Variants in CLPX observed in about 807,000 individuals in gnomAD.
CLPX encodes caseinolytic mitochondrial matrix peptidase chaperone subunit X.
In CLPX, 34 loss-of-function variants were observed where a neutral mutation model predicts 76.4. The observed-to-expected ratio is 0.45, with a 90% CI of 0.34 to 0.59. The LOEUF is 0.59. Among genes scored for constraint, CLPX ranks in the 20% least tolerant of loss-of-function variants. CLPX has a pLI of 0.01. For missense variants in CLPX, 613 were observed against 757.0 expected (o/e 0.81, Z 2.23); for synonymous variants, 248 against 270.9 (o/e 0.92, Z 0.83).
intron 1 of CLPX, among the ~76,000 whole-genome samples, 172 bp from the exon 2 acceptor site, chr15:65,180,376 C>T (rs536677713): frequency 6.6e-6 from 1 of 152,180 alleles, no homozygotes; most frequent in East Asian, 1.9e-4. Context: ...CAAAAACAGG[C>T]CAGCAGGTCT....
intron 3 of CLPX, among the ~76,000 whole-genome samples, chr15:65,176,689 A>G (rs1020230251): frequency 6.7e-6 from 1 of 148,616 alleles, no homozygotes; most frequent in Admixed American, 6.8e-5. Context: ...TCCGCTTCCT[A>G]GGTTCAAGCA....
rs756324576 is a variant in CLPX, at chr15:65,185,145, G to T, written c.9C>A (p.Ser3Arg). Residue 3 changes from serine to arginine, a missense_variant, in exon 1 of 14, where the codon AGC becomes AGA. Coordinates refer to ENST00000300107, the MANE Select transcript of CLPX (RefSeq NM_006660.5). MP[S>R]CGACTCGAAA... ...CCGCGCCGCAAGTACAAGCACCGCA[G>T]CTGGGCATCTCCGCGAGGCCTAGGC... 6.4e-7 allele frequency: 1 copy of T among 1,569,798 alleles called. No individual in the cohort carries two copies. Among genetic ancestry groups the T allele is most frequent in the South Asian group, 1.2e-5 (1 of 85,348 alleles).
intron 13 of CLPX, among the ~76,000 whole-genome samples, chr15:65,151,143 G>A (rs532518207): frequency 4.6e-5 from 7 of 151,918 alleles, no homozygotes; most frequent in Admixed American, 6.6e-5. Flanking sequence ...TCAGGAGTTC[G>A]AGACCTGCCT....
chr15:65,156,319 G>A (rs1312781109), intron 9 of CLPX, among the ~76,000 whole-genome samples: 1 of 152,172 alleles, frequency 6.6e-6, no homozygotes, highest in African/African-American at 2.4e-5. Flanking sequence ...GCACGTAAGT[G>A]TGATTATACC....
chr15:65,153,313 G>A (rs571838764), intron 12 of CLPX, among the ~76,000 whole-genome samples: 3 of 152,166 alleles, frequency 2.0e-5, no homozygotes, highest in Non-Finnish European at 4.4e-5. Flanking sequence ...AGCCAGGTGT[G>A]GTGGTTCTTG....
chr15:65,162,506 A>G, intron 6 of CLPX, 98 bp downstream of exon 6: 1 of 749,522 alleles, frequency 1.3e-6, no homozygotes, highest in South Asian at 1.7e-5. Context: ...ATACACAAGC[A>G]AATACATACA....
rs768821196 is a variant in CLPX, at chr15:65,152,565, T to C, written c.1705-29A>G. ...AAGAAATAAAAAGTAATGAATCACATTGAAAACAGATTACATACAAGTGCT... is the reference window on the plus strand; with the variant it reads ...AAGAAATAAAAAGTAATGAATCACACTGAAAACAGATTACATACAAGTGCT... On this transcript the variant is annotated intron_variant, in intron 12 of 13. Coordinates refer to ENST00000300107, the MANE Select transcript of CLPX (RefSeq NM_006660.5). The C allele has an allele frequency of 8.0e-6, 10 of 1,255,968 alleles. No homozygotes were observed. In the South Asian group the frequency reaches 8.2e-5, roughly 10 times the overall value. The allele number at this position is 1,255,968 out of a possible 1,614,324, so 77.8% of individuals were successfully genotyped here.
At chr15:65,167,802 C>T (rs879602376) in intron 3 of CLPX, among the ~76,000 whole-genome samples, 3 of 150,622 alleles carry the variant, frequency 2.0e-5, no homozygotes, top group Non-Finnish European at 3.0e-5. Context: ...GCAGGAGAAT[C>T]GCTTGAACCC....
chr15:65,182,269 T>C (rs1435793250), intron 1 of CLPX, among the ~76,000 whole-genome samples: 2 of 152,198 alleles, frequency 1.3e-5, no homozygotes, highest in African/African-American at 2.4e-5. Flanking sequence ...TTTCTAACAC[T>C]TTTTGTGCCA....
At chr15:65,175,202 C>A (rs2088073256) in intron 3 of CLPX, among the ~76,000 whole-genome samples, 1 of 152,038 alleles carries the variant, frequency 6.6e-6, no homozygotes, top group African/African-American at 2.4e-5. Flanking sequence ...ACTTAAAATG[C>A]AGGCCAGGCA....
intron 4 of CLPX, 72 bp downstream of exon 4, chr15:65,166,559 A>C: frequency 6.7e-7 from 1 of 1,487,658 alleles, no homozygotes; most frequent in Non-Finnish European, 9.3e-7. Context: ...GATTCAGTGT[A>C]AACTTGGGAG....
chr15:65,180,903 CAAA>C (rs1251123572), intron 1 of CLPX, among the ~76,000 whole-genome samples: 2 of 102,852 alleles, frequency 1.9e-5, no homozygotes. Context: ...GACTCCATCT[CAAA>C]AAAAAAAAAA....
intron 3 of CLPX, among the ~76,000 whole-genome samples, chr15:65,174,230 C>G (rs2088054926): frequency 6.6e-6 from 1 of 151,474 alleles, no homozygotes; most frequent in Non-Finnish European, 1.5e-5. Context: ...ACCTTGGCCT[C>G]CCAAAGTGCT....
At chr15:65,172,050 C>T (rs1212654531) in intron 3 of CLPX, among the ~76,000 whole-genome samples, 1 of 152,172 alleles carries the variant, frequency 6.6e-6, no homozygotes, top group Non-Finnish European at 1.5e-5. Flanking sequence ...GGCTGGAGTG[C>T]AATGGCGCGA....
chr15:65,163,845 T>C (rs1011238749), intron 5 of CLPX, among the ~76,000 whole-genome samples, 184 bp downstream of exon 5: 1 of 152,214 alleles, frequency 6.6e-6, no homozygotes, highest in African/African-American at 2.4e-5. Flanking sequence ...TCTATTCATA[T>C]CTATCAAATT....
intron 3 of CLPX, among the ~76,000 whole-genome samples, chr15:65,168,266 C>T (rs1200616711): frequency 6.7e-6 from 1 of 148,674 alleles, no homozygotes; most frequent in East Asian, 2.0e-4. Flanking sequence ...CGCCTGTAGT[C>T]CCAGCTGCTC....
chr15:65,180,284 AGGAGGTTG>A, intron 1 of CLPX, 80 bp from the exon 2 acceptor site: 3 of 1,112,514 alleles, frequency 2.7e-6, no homozygotes, highest in Admixed American at 5.0e-5. Context: ...TTGAGCATAA[AGGAGGTTG>A]AAAAAAAGCT....
rs2087809276 is a variant in CLPX, at chr15:65,157,900, CAG to C, written c.901_902del (p.Leu301AlafsTer7). On this transcript the variant is annotated frameshift_variant, in exon 8 of 14. Coordinates refer to ENST00000300107, the MANE Select transcript of CLPX (RefSeq NM_006660.5). LOFTEE classifies it high-confidence loss of function. ...GGCATTTAGCTAGGGTTTGTGCCAG[CAG>C]AGTTTTACCTACAAATAGAAACAGT... is the stretch of plus-strand genomic sequence containing the variant. ...LLGPTGSGKT[L>X]LAQTLAKCLD... 1 of 1,588,958 alleles carries C rather than the reference CAG, an allele frequency of 6.3e-7. No homozygotes were observed. Among genetic ancestry groups the C allele is most frequent in the Non-Finnish European group, 8.5e-7 (1 of 1,169,832 alleles).
At chr15:65,180,011 T>C (rs1415410680) in intron 2 of CLPX, 33 bp downstream of exon 2, 1 of 1,487,524 alleles carries the variant, frequency 6.7e-7, no homozygotes, top group African/African-American at 1.4e-5. Flanking sequence ...GAACTCACAA[T>C]GTGTACAGAT....
Sources: gnomAD v4.1 joint callset for allele counts (sites outside exome capture counted in the v4.1 genomes callset) on GRCh38, gnomAD v4.1.1 for gene constraint, MANE v1.5 for transcripts, NCBI Gene and HGNC (gene_info 2026-07-23, HGNC 2026-07-21) for gene names.